Variants in CMSS1 observed in about 807,000 individuals in gnomAD.
CMSS1 encodes the protein protein CMSS1.
A neutral mutation model predicts 43.5 loss-of-function variants in CMSS1; 33 were observed. The ratio of observed to expected loss-of-function variants is 0.76; its 90% CI spans 0.57 to 1.01. CMSS1 has a LOEUF of 1.01. CMSS1 is among the 50% of genes least tolerant of loss of function. CMSS1 has a pLI of 0.00. For missense variants in CMSS1, 313 were observed against 326.4 expected (o/e 0.96, Z 0.32); for synonymous variants, 115 against 117.2 (o/e 0.98, Z 0.12).
intron 1 of CMSS1, chr3:99,924,469 C>G: frequency 1.3e-6 from 2 of 1,482,344 alleles, no homozygotes; most frequent in Admixed American, 1.9e-5. Flanking sequence ...GTCTTTCACT[C>G]TTTTAGAAAT....
At chr3:99,989,678 A>G (rs1190111532) in intron 1 of CMSS1, among the ~76,000 whole-genome samples, 1 of 142,662 alleles carries the variant, frequency 7.0e-6, no homozygotes, top group East Asian at 2.0e-4. Context: ...ATATATATAT[A>G]TATATATTTT....
intron 1 of CMSS1, among the ~76,000 whole-genome samples, chr3:99,842,865 G>C (rs1316511282): frequency 1.3e-5 from 2 of 152,126 alleles, no homozygotes; most frequent in Non-Finnish European, 1.5e-5. Flanking sequence ...AAATTATGAA[G>C]TACTTAGAGG....
At chr3:99,930,793 G>A (rs768045362) in intron 1 of CMSS1, 1 of 1,613,242 alleles carries the variant, frequency 6.2e-7, no homozygotes, top group Non-Finnish European at 8.5e-7. Context: ...CCAGAATGCT[G>A]AGGAGAAATA....
chr3:99,845,825 G>A (rs1943339113), intron 1 of CMSS1, among the ~76,000 whole-genome samples: 1 of 152,052 alleles, frequency 6.6e-6, no homozygotes. Flanking sequence ...TTTTGATGCT[G>A]ATACAAATTA....
In CMSS1 at chr3:99,948,565, A is replaced by C. The variant is rs762595998; in HGVS notation, c.64+130522A>C. Among the ~76,000 whole-genome samples the C allele has an allele frequency of 2.1e-5, 3 of 141,436 alleles. No homozygotes were observed. The East Asian group carries it at 6.5e-4, about 31-fold the overall frequency. 92.8% of individuals were successfully genotyped at this position (141,436 alleles called of 152,430 possible). On this transcript the variant is annotated intron_variant, in intron 1 of 9. Coordinates refer to ENST00000421999, the MANE Select transcript of CMSS1 (RefSeq NM_032359.4). Reference sequence around the variant, plus strand: ...GGAGGGGGAGGGGGAGAAGAAGGAGAAGGCGAAGGAGAAGAAAGGAGGGAG... The same window carrying C: ...GGAGGGGGAGGGGGAGAAGAAGGAGCAGGCGAAGGAGAAGAAAGGAGGGAG...
At chr3:100,064,735 T>A (rs1283795246) in intron 1 of CMSS1, among the ~76,000 whole-genome samples, 1 of 152,226 alleles carries the variant, frequency 6.6e-6, no homozygotes, top group Non-Finnish European at 1.5e-5. Flanking sequence ...ATCATACTCA[T>A]CTGTAAGAAC....
intron 1 of CMSS1, among the ~76,000 whole-genome samples, chr3:100,037,080 G>C (rs376495973): frequency 2.6e-5 from 4 of 152,064 alleles, no homozygotes; most frequent in African/African-American, 9.7e-5. Context: ...ATCCTGGATC[G>C]GGGGAGGAAA....
chr3:99,989,623 T>G (rs1031564039), intron 1 of CMSS1, among the ~76,000 whole-genome samples: 8 of 151,570 alleles, frequency 5.3e-5, no homozygotes, highest in Non-Finnish European at 1.2e-4. Flanking sequence ...AGTATTACAT[T>G]CAAAGCAATT....
chr3:99,822,755 T>C lies in CMSS1; in HGVS notation c.64+4712T>C, dbSNP rs375664341. ...CTCAAAATAATAATGATAATAATAA[T>C]AATAGTAATAATACCAGCTTGCATT... is the stretch of plus-strand genomic sequence containing the variant. On this transcript the variant is annotated intron_variant, in intron 1 of 9. Transcript: ENST00000421999. 1.6e-4 allele frequency among the ~76,000 whole-genome samples: 24 copies of C among 152,194 alleles called. No individual in the cohort carries two copies. The East Asian group carries it at 3.3e-3, about 21-fold the overall frequency.
At chr3:99,891,240 C>A (rs1041416910) in intron 1 of CMSS1, among the ~76,000 whole-genome samples, 4 of 152,130 alleles carry the variant, frequency 2.6e-5, no homozygotes, top group African/African-American at 9.6e-5. Context: ...ACCCTTTCGT[C>A]TGGGTAATGT....
intron 1 of CMSS1, among the ~76,000 whole-genome samples, chr3:100,037,080 G>A (rs376495973): frequency 6.6e-6 from 1 of 152,064 alleles, no homozygotes; most frequent in Non-Finnish European, 1.5e-5. Context: ...ATCCTGGATC[G>A]GGGGAGGAAA....
At chr3:99,904,461 TA>T (rs1706546021) in intron 1 of CMSS1, among the ~76,000 whole-genome samples, 1 of 152,232 alleles carries the variant, frequency 6.6e-6, no homozygotes, top group African/African-American at 2.4e-5. Context: ...TAGAGCTTTT[TA>T]AAAATATATT....
At chr3:99,944,414 A>G (rs1707945774) in intron 1 of CMSS1, among the ~76,000 whole-genome samples, 1 of 152,240 alleles carries the variant, frequency 6.6e-6, no homozygotes, top group Non-Finnish European at 1.5e-5. Flanking sequence ...ATACTCACCC[A>G]GGCTGTCACG....
chr3:99,973,829 G>T (rs1559709853), intron 1 of CMSS1, among the ~76,000 whole-genome samples: 1 of 152,190 alleles, frequency 6.6e-6, no homozygotes, highest in Non-Finnish European at 1.5e-5. Flanking sequence ...CCTAGGCCTG[G>T]TGTTTGTTGT....
intron 1 of CMSS1, among the ~76,000 whole-genome samples, chr3:99,829,913 T>A (rs1458263676): frequency 1.3e-5 from 2 of 152,254 alleles, no homozygotes; most frequent in Non-Finnish European, 2.9e-5. Flanking sequence ...TCCCTCCTGG[T>A]CATAAAGAAA....
chr3:100,172,457 T>A, intron 8 of CMSS1, 54 bp downstream of exon 8: 1 of 1,310,348 alleles, frequency 7.6e-7, no homozygotes. Flanking sequence ...TTGCCTTACC[T>A]ACATGTGAGT....
intron 1 of CMSS1, among the ~76,000 whole-genome samples, chr3:99,911,759 T>G (rs1706796401): frequency 1.3e-5 from 2 of 152,196 alleles, no homozygotes; most frequent in South Asian, 4.1e-4. Flanking sequence ...CAGCTCACAA[T>G]TAATTAACTC....
intron 1 of CMSS1, among the ~76,000 whole-genome samples, chr3:100,070,418 C>G (rs1374543882): frequency 2.1e-5 from 3 of 139,586 alleles, no homozygotes; most frequent in African/African-American, 7.8e-5. Context: ...TTTGAGTACT[C>G]TGTTTTACTT....
At chr3:100,073,830 C>CA (rs2065802106) in intron 1 of CMSS1, among the ~76,000 whole-genome samples, 1 of 152,186 alleles carries the variant, frequency 6.6e-6, no homozygotes, top group African/African-American at 2.4e-5. Flanking sequence ...TCTTTCCACT[C>CA]ACTCTTTTTA....
Sources: allele counts gnomAD v4.1 joint callset (sites outside exome capture counted in the v4.1 genomes callset), GRCh38; gene constraint gnomAD v4.1.1; transcripts MANE v1.5; gene names NCBI Gene and HGNC (gene_info 2026-07-23, HGNC 2026-07-21).